The following POFUT3 variants were observed in gnomAD, a reference collection of about 807,000 sequenced individuals.
POFUT3 encodes the protein GDP-fucose protein O-fucosyltransferase 3.
the POFUT3 span, among the ~76,000 whole-genome samples, chr8:33,347,778 A>T: frequency 6.6e-6 from 1 of 152,226 alleles, no homozygotes; most frequent in Non-Finnish European, 1.5e-5. Context: ...AATGTAATAC[A>T]TTCTTTTACA....
At chr8:33,451,612 ATGTGTATATATG>A in the POFUT3 span, 2 of 151,930 alleles carry the variant, frequency 1.3e-5, no homozygotes, top group South Asian at 4.1e-4. Flanking sequence ...GCATGTGTAT[ATGTGTATATATG>A]TGTGTATACG....
the POFUT3 span, chr8:33,461,411 C>T: frequency 6.2e-7 from 1 of 1,613,350 alleles, no homozygotes; most frequent in Non-Finnish European, 8.5e-7. Context: ...CTGTGACGCA[C>T]AGGCAAGATG....
At chr8:33,419,091 A>G in the POFUT3 span, among the ~76,000 whole-genome samples, 1 of 152,224 alleles carries the variant, frequency 6.6e-6, no homozygotes, top group Non-Finnish European at 1.5e-5. Flanking sequence ...GGTGGGGTGG[A>G]TAAAGAGAGG....
the POFUT3 span, among the ~76,000 whole-genome samples, chr8:33,410,625 G>A: frequency 6.6e-6 from 1 of 152,176 alleles, no homozygotes; most frequent in African/African-American, 2.4e-5. Flanking sequence ...TTGGGTGTGT[G>A]CGTGTGTGTA....
chr8:33,315,330 A>G, the POFUT3 span, among the ~76,000 whole-genome samples: 1 of 152,186 alleles, frequency 6.6e-6, no homozygotes, highest in Non-Finnish European at 1.5e-5. Context: ...AGTGTTTACT[A>G]CTTGATCATT....
the POFUT3 span, among the ~76,000 whole-genome samples, chr8:33,443,827 A>G: frequency 3.9e-5 from 6 of 152,120 alleles, no homozygotes; most frequent in Non-Finnish European, 7.4e-5. Flanking sequence ...GCAATCATTT[A>G]TTCAACAATG....
chr8:33,348,120 G>A, the POFUT3 span, among the ~76,000 whole-genome samples: 3 of 150,630 alleles, frequency 2.0e-5, no homozygotes, highest in African/African-American at 7.4e-5. Context: ...GGAGGTTGCA[G>A]TGAGCCGAGA....
the POFUT3 span, among the ~76,000 whole-genome samples, chr8:33,380,040 G>T: frequency 0.76 from 45,534 of 59,738 alleles, 17,770 homozygotes; most frequent in African/African-American, 0.83. Flanking sequence ...ATATATATAC[G>T]ATATATATAC....
the POFUT3 span, among the ~76,000 whole-genome samples, chr8:33,328,173 T>C: frequency 6.6e-6 from 1 of 152,162 alleles, no homozygotes; most frequent in Non-Finnish European, 1.5e-5. Context: ...AAACATAATT[T>C]CCAGGACAGG....
the POFUT3 span, among the ~76,000 whole-genome samples, chr8:33,316,463 GTA>G: frequency 6.6e-6 from 1 of 151,902 alleles, no homozygotes; most frequent in Non-Finnish European, 1.5e-5. Context: ...GCTCATACCT[GTA>G]ATCCCAGCAC....
At chr8:33,377,611 G>A in the POFUT3 span, 1 of 152,238 alleles carries the variant, frequency 6.6e-6, no homozygotes, top group Non-Finnish European at 1.5e-5. Flanking sequence ...AGAATCTTAT[G>A]AAATGAACTC....
the POFUT3 span, among the ~76,000 whole-genome samples, chr8:33,386,681 G>A: frequency 6.6e-6 from 1 of 152,036 alleles, no homozygotes; most frequent in African/African-American, 2.4e-5. Flanking sequence ...GTGGTGGCGG[G>A]TGCCTGTAGT....
the POFUT3 span, among the ~76,000 whole-genome samples, chr8:33,386,188 C>CAAAAAAAAAAAAAAA: frequency 6.2e-5 from 2 of 32,046 alleles, no homozygotes; most frequent in Non-Finnish European, 7.8e-5. Context: ...GGCTCCATCT[C>CAAAAAAAAAAAAAAA]AAAAAAAAAA....
the POFUT3 span, among the ~76,000 whole-genome samples, chr8:33,411,250 G>T: frequency 2.5e-4 from 38 of 152,306 alleles, 1 homozygote; most frequent in African/African-American, 9.1e-4. Flanking sequence ...AAATCAGGAT[G>T]GAGGGGTGAG....
chr8:33,465,332 T>C, the POFUT3 span, among the ~76,000 whole-genome samples: 2 of 151,956 alleles, frequency 1.3e-5, no homozygotes, highest in East Asian at 3.8e-4. Flanking sequence ...TAGGTATTAT[T>C]ATTCCCAGTT....
the POFUT3 span, among the ~76,000 whole-genome samples, chr8:33,349,341 A>G: frequency 1.3e-5 from 2 of 152,122 alleles, no homozygotes. Context: ...TACATAGATA[A>G]GTTCTTTAGT....
the POFUT3 span, among the ~76,000 whole-genome samples, chr8:33,320,739 C>T: frequency 1.3e-5 from 2 of 152,020 alleles, no homozygotes; most frequent in African/African-American, 4.8e-5. Flanking sequence ...AAACACATGG[C>T]CTCCATGAGG....
the POFUT3 span, among the ~76,000 whole-genome samples, chr8:33,465,451 T>G: frequency 4.7e-5 from 7 of 147,594 alleles, no homozygotes; most frequent in African/African-American, 1.8e-4. Context: ...GAGAGAGAGT[T>G]GTTGCTGTTG....
the POFUT3 span, among the ~76,000 whole-genome samples, chr8:33,348,815 G>T: frequency 6.6e-6 from 1 of 152,154 alleles, no homozygotes; most frequent in Non-Finnish European, 1.5e-5. Context: ...CAGAGCACAG[G>T]GGCACATGAA....
Sources: allele counts gnomAD v4.1 joint callset (sites outside exome capture counted in the v4.1 genomes callset), GRCh38; gene constraint gnomAD v4.1.1; transcripts MANE v1.5; gene names NCBI Gene and HGNC (gene_info 2026-07-23, HGNC 2026-07-21).